ERC2: variants seen among roughly 807,000 people sequenced by gnomAD.
ERC2 encodes the protein ERC protein 2.
ERC2 carries 42 observed loss-of-function variants against 114.8 expected under a neutral mutation model. The observed-to-expected ratio is 0.37, with a 90% CI of 0.29 to 0.47. The LOEUF (loss-of-function observed/expected upper bound fraction) is 0.47, where lower values mean the gene tolerates loss of function less well. Ranked by LOEUF, ERC2 falls within the 20% of genes least tolerant of loss-of-function variation. The pLI is 0.99. For synonymous variants in ERC2, 454 were observed against 425.5 expected, an observed-to-expected ratio of 1.07 and a Z score of -0.82; for missense variants, 939 against 1,150.7, an observed-to-expected ratio of 0.82 and a Z score of 2.66.
intron 14 of ERC2, among the ~76,000 whole-genome samples, chr3:55,796,490 A>G (rs1485861244): frequency 6.6e-6 from 1 of 152,060 alleles, no homozygotes; most frequent in Non-Finnish European, 1.5e-5. Context: ...CAGCAGTGTG[A>G]TCTTGGCTCA....
chr3:55,723,257 T>G (rs958848736), intron 15 of ERC2, among the ~76,000 whole-genome samples: 2 of 152,218 alleles, frequency 1.3e-5, no homozygotes, highest in Non-Finnish European at 2.9e-5. Context: ...GACAATGGAA[T>G]GTAGGAAACT....
intron 3 of ERC2, among the ~76,000 whole-genome samples, chr3:56,233,985 A>G (rs781767953): frequency 2.0e-5 from 3 of 152,010 alleles, no homozygotes; most frequent in Non-Finnish European, 2.9e-5. Flanking sequence ...ATTAAACCAC[A>G]CCCACAAGAT....
chr3:55,652,976 G>T (rs2060702626), intron 17 of ERC2, among the ~76,000 whole-genome samples: 1 of 151,772 alleles, frequency 6.6e-6, no homozygotes, highest in African/African-American at 2.4e-5. Flanking sequence ...TATCAGAATT[G>T]GTGTCTGAGT....
At chr3:55,822,719 C>T (rs1395988423) in intron 14 of ERC2, among the ~76,000 whole-genome samples, 1 of 151,144 alleles carries the variant, frequency 6.6e-6, no homozygotes, top group Non-Finnish European at 1.5e-5. Flanking sequence ...GCACCCGCCA[C>T]TCTCCTACCT....
intron 14 of ERC2, among the ~76,000 whole-genome samples, chr3:55,870,877 C>G (rs986129597): frequency 6.6e-6 from 1 of 152,210 alleles, no homozygotes; most frequent in Admixed American, 6.5e-5. Flanking sequence ...CTGTGGCCTT[C>G]ACATTTCTCA....
chr3:56,004,641 C>T (rs2072335052), intron 10 of ERC2, among the ~76,000 whole-genome samples: 1 of 151,982 alleles, frequency 6.6e-6, no homozygotes, highest in South Asian at 2.1e-4. Context: ...TTCATTGCCA[C>T]TGGCAGACAA....
At chr3:56,026,805 C>G (rs1041490913) in intron 7 of ERC2, among the ~76,000 whole-genome samples, 4 of 152,248 alleles carry the variant, frequency 2.6e-5, no homozygotes, top group African/African-American at 9.6e-5. Flanking sequence ...TTTTTATATG[C>G]ACTCATGTGC....
intron 17 of ERC2, among the ~76,000 whole-genome samples, chr3:55,534,863 C>A (rs555063238): frequency 6.6e-6 from 1 of 152,242 alleles, no homozygotes; most frequent in African/African-American, 2.4e-5. Flanking sequence ...AAACCAGGAC[C>A]CAAACAGAAC....
chr3:55,548,236 A>T (rs960442602), intron 17 of ERC2, among the ~76,000 whole-genome samples: 2 of 152,392 alleles, frequency 1.3e-5, no homozygotes, highest in African/African-American at 2.4e-5. Flanking sequence ...AAAACATGCC[A>T]CATGGGCAAT....
chr3:55,699,269 A>G, intron 16 of ERC2, 109 bp downstream of exon 16: 1 of 1,397,472 alleles, frequency 7.2e-7, no homozygotes, highest in Non-Finnish European at 1.0e-6. Context: ...TTTCAGTTCA[A>G]AGAACGTATC....
intron 13 of ERC2, among the ~76,000 whole-genome samples, chr3:55,911,733 G>T (rs530448500): frequency 5.3e-5 from 8 of 152,264 alleles, no homozygotes; most frequent in Non-Finnish European, 1.0e-4. Context: ...TTTCTTCAAT[G>T]AGGTGAATTT....
intron 2 of ERC2, among the ~76,000 whole-genome samples, chr3:56,303,947 A>G (rs559321655): frequency 6.6e-6 from 1 of 152,338 alleles, no homozygotes; most frequent in South Asian, 2.1e-4. Flanking sequence ...ATAAAAAATT[A>G]CCACAGACAC....
At chr3:56,330,975 A>C (rs2057584376) in intron 2 of ERC2, among the ~76,000 whole-genome samples, 1 of 152,306 alleles carries the variant, frequency 6.6e-6, no homozygotes, top group South Asian at 2.1e-4. Context: ...TAACTTGCCC[A>C]ATGTCTCAAC....
At chr3:55,932,259 T>C (rs2066141407) in intron 13 of ERC2, among the ~76,000 whole-genome samples, 1 of 152,174 alleles carries the variant, frequency 6.6e-6, no homozygotes, top group Non-Finnish European at 1.5e-5. Context: ...CTCTTTCCTT[T>C]TATGTCTGTT....
At chr3:56,226,571 A>C (rs75167179) in intron 3 of ERC2, among the ~76,000 whole-genome samples, 352 of 152,082 alleles carry the variant, frequency 2.3e-3, no homozygotes, top group African/African-American at 5.8e-3. Flanking sequence ...CTCTCTCTCT[A>C]TATATATACA....
At chr3:56,219,857 G>A (rs1174397101) in intron 3 of ERC2, among the ~76,000 whole-genome samples, 1 of 152,072 alleles carries the variant, frequency 6.6e-6, no homozygotes, top group African/African-American at 2.4e-5. Flanking sequence ...CTTTACTCCT[G>A]ATAAGTTTGG....
intron 14 of ERC2, among the ~76,000 whole-genome samples, chr3:55,790,721 G>A (rs1292072431): frequency 6.6e-6 from 1 of 152,224 alleles, no homozygotes; most frequent in African/African-American, 2.4e-5. Flanking sequence ...TAGCCAGACT[G>A]TGAATTCAGT....
chr3:56,352,087 T>C (rs2058574669), intron 2 of ERC2, among the ~76,000 whole-genome samples: 1 of 152,186 alleles, frequency 6.6e-6, no homozygotes. Context: ...CTTTACATTT[T>C]ATCCTGAAAG....
intron 17 of ERC2, among the ~76,000 whole-genome samples, chr3:55,596,739 TGAA>T (rs1326298625): frequency 1.3e-5 from 2 of 152,030 alleles, no homozygotes; most frequent in Admixed American, 6.6e-5. Context: ...TTAGTACAGA[TGAA>T]GAAGATTATT....
Sources: allele counts gnomAD v4.1 joint callset (sites outside exome capture counted in the v4.1 genomes callset), GRCh38; gene constraint gnomAD v4.1.1; transcripts MANE v1.5; gene names NCBI Gene and HGNC (gene_info 2026-07-23, HGNC 2026-07-21).